The following ESPN variants were observed in gnomAD, a reference collection of about 807,000 sequenced individuals.
The protein encoded by ESPN is espin, also known as autosomal recessive deafness type 36 protein.
A neutral mutation model predicts 77.7 loss-of-function variants in ESPN; 68 were observed. That is an observed-to-expected ratio of 0.87 (90% CI 0.72 to 1.07). The LOEUF (loss-of-function observed/expected upper bound fraction) is 1.07. Among genes scored for constraint, ESPN ranks in the 50% least tolerant of loss-of-function variants. ESPN has a pLI of 0.00. For missense variants in ESPN, 1,060 were observed against 1,239.0 expected (o/e 0.86, Z 2.17); for synonymous variants, 449 against 567.1 (o/e 0.79, Z 2.96).
At chr1:6,453,774 G>A (rs1365531313) in intron 10 of ESPN, among the ~76,000 whole-genome samples, 3 of 152,190 alleles carry the variant, frequency 2.0e-5, no homozygotes, top group Non-Finnish European at 4.4e-5. Context: ...ATGAATCAGG[G>A]ACCTCTGTGG....
At chr1:6,434,176 T>G (rs1393691516) in intron 2 of ESPN, among the ~76,000 whole-genome samples, 1 of 152,236 alleles carries the variant, frequency 6.6e-6, no homozygotes, top group African/African-American at 2.4e-5. Context: ...GTGCTGGGAT[T>G]ACAGGCATGA....
chr1:6,461,283 G>A (rs997576431), downstream of ESPN: 2 of 974,752 alleles, frequency 2.1e-6, no homozygotes, highest in Non-Finnish European at 3.2e-6. This position sits in a 1 kb window ranked among gnomAD's most constrained non-coding sequence, Gnocchi z 6.3. Context: ...TGGAGCGATA[G>A]GGGCGAGCAG....
At chr1:6,442,293 G>A (rs1479993283) in intron 5 of ESPN, among the ~76,000 whole-genome samples, 4 of 152,176 alleles carry the variant, frequency 2.6e-5, no homozygotes, top group Non-Finnish European at 5.9e-5. Context: ...ATAGTTGGCC[G>A]GGTGCAGTGG....
intron 10 of ESPN, among the ~76,000 whole-genome samples, chr1:6,452,988 G>A (rs1643978898): frequency 6.6e-6 from 1 of 151,992 alleles, no homozygotes; most frequent in Admixed American, 6.5e-5. Flanking sequence ...CACCTCCTGG[G>A]TTCAAGCGAT....
chr1:6,456,880 T>C (rs940663676), intron 10 of ESPN, among the ~76,000 whole-genome samples: 1 of 152,182 alleles, frequency 6.6e-6, no homozygotes, highest in African/African-American at 2.4e-5. Context: ...CCTGTGGCCA[T>C]TGGCCACCTG....
In ESPN at chr1:6,425,178, C is replaced by T. The variant is rs1485632084; in HGVS notation, c.223C>T (p.His75Tyr). 2 of 1,535,714 alleles carry T rather than the reference C, an allele frequency of 1.3e-6. No individual in the cohort carries two copies. Among genetic ancestry groups the T allele is most frequent in the East Asian group, 2.4e-5 (1 of 40,972 alleles). ...ARARNGATPA[H>Y]DASATGHLAC... Reference sequence around the variant, plus strand: ...CGCCCGCAACGGCGCCACACCGGCCCACGACGCCTCCGCCACCGGCCACCT... The same window carrying T: ...CGCCCGCAACGGCGCCACACCGGCCTACGACGCCTCCGCCACCGGCCACCT... The change falls in exon 1 of 13, where the codon CAC (histidine) becomes TAC (tyrosine). Residue 75 changes from histidine to tyrosine, a missense_variant. By Grantham distance (83) the His-to-Tyr change is moderately conservative. Transcript: ENST00000645284.
At chr1:6,440,475 CG>C (rs1643583784) in intron 3 of ESPN, 35 bp downstream of exon 3, 2 of 1,434,812 alleles carry the variant, frequency 1.4e-6, no homozygotes, top group African/African-American at 3.0e-5. Context: ...GCAGGGGAGG[CG>C]GGGCGGAGCC....
rs1161126141 is a variant in ESPN at position 6,440,530 on chromosome 1, CG to C, written c.676-89del. 296 of 166,164 alleles carry C rather than the reference CG, an allele frequency of 1.8e-3. 3 individuals carry two copies. The African/African-American group carries it at 0.019, about 10-fold the overall frequency. 10.3% of individuals were successfully genotyped at this position (166,164 alleles called of 1,614,324 possible). On this transcript the variant is annotated intron_variant, in intron 3 of 12. Transcript: ENST00000645284. ...GGGAGCGGGGCCATCAGGGGTGGGG[CG>C]GGGGGGCGGGGGCGGGCCACGGAGG...
intron 12 of ESPN, 83 bp from the exon 13 acceptor site, chr1:6,459,916 T>A: frequency 6.3e-7 from 1 of 1,574,900 alleles, no homozygotes; most frequent in Non-Finnish European, 8.7e-7. Context: ...GGCCTCTGCC[T>A]GGTGCCTGGC....
rs1643820039 is a variant in ESPN at position 6,445,933 on chromosome 1, G to A, written c.1462G>A (p.Glu488Lys). ...RHVETEALKK[E>K]LSSCDGHDGL... ...CGTGGAGACAGAGGCCCTCAAGAAG[G>A]AGGTAGTGAGCCCTCACCCCCTGCC... Residue 488 changes from glutamate (E) to lysine (K), a missense_variant and splice_region_variant, in exon 7 of 13, where the codon GAG becomes AAG. By Grantham distance (56) the Glu-to-Lys change is moderately conservative. Coordinates refer to ENST00000645284, the MANE Select transcript of ESPN (RefSeq NM_031475.3). The A allele has an allele frequency of 2.5e-6, 4 of 1,612,588 alleles. No homozygotes were observed. The highest frequency in any genetic ancestry group is 1.7e-4 in the Middle Eastern group (1 of 6,050).
In ESPN at chr1:6,452,904, A is replaced by ATTTTTATTT. The variant is rs1553169591; in HGVS notation, c.2325+813_2325+814insATTTTTTTT. On this transcript the variant is annotated intron_variant, in intron 10 of 12. Coordinates refer to ENST00000645284, the MANE Select transcript of ESPN (RefSeq NM_031475.3). Reference sequence around the variant, plus strand: ...CAAATGCCATTTATTTTTATTTTTTATTTTTTGAGACAGGGTCTCACTCTG... The same window carrying ATTTTTATTT: ...CAAATGCCATTTATTTTTATTTTTTATTTTTATTTTTTTTTGAGACAGGGTCTCACTCTG... Among the ~76,000 whole-genome samples, 536 of 150,978 alleles carry ATTTTTATTT rather than the reference A, an allele frequency of 3.6e-3. 2 individuals carry two copies. Among genetic ancestry groups the ATTTTTATTT allele is most frequent in the African/African-American group, 0.012 (502 of 40,666 alleles).
chr1:6,426,832 T>C (rs566227022), intron 1 of ESPN, among the ~76,000 whole-genome samples: 6 of 152,066 alleles, frequency 3.9e-5, no homozygotes, highest in Non-Finnish European at 8.8e-5. Flanking sequence ...TGAACCAGTC[T>C]CTGGCCCCCC....
intron 8 of ESPN, among the ~76,000 whole-genome samples, chr1:6,449,458 G>C (rs1416557029): frequency 6.6e-6 from 1 of 152,192 alleles, no homozygotes; most frequent in Non-Finnish European, 1.5e-5. Flanking sequence ...TGGTGTTTCT[G>C]ATGAGCTGGT....
chr1:6,451,731 G>C lies in ESPN; in HGVS notation c.2044G>C (p.Gly682Arg), dbSNP rs769678235. 1.9e-6 allele frequency: 3 copies of C among 1,612,528 alleles called. No individual in the cohort carries two copies. Among genetic ancestry groups the C allele is most frequent in the Non-Finnish European group, 1.7e-6 (2 of 1,179,794 alleles). Residue 682 changes from glycine to arginine, a missense_variant, in exon 9 of 13, where the codon GGG becomes CGG. Gly to Arg is a moderately radical substitution (Grantham distance 125). Around this residue, in one of 3 missense-constraint regions of ESPN, gnomAD observed 374 missense variants for 381.4 expected, o/e 0.98. Transcript: ENST00000645284. The surrounding 1 kb of genome is among the most constrained non-coding windows in gnomAD (Gnocchi z 4.3). The stretch of plus-strand genomic sequence containing the variant: ...GCTGACCACAGTGTTCTCAGGCATC[G>C]GGCAGCCGGCCTTCCAGGTAGGCGG... ...KGLTTVFSGI[G>R]QPAFQPDSPL...
chr1:6,425,145 G>T lies in ESPN; in HGVS notation c.190G>T (p.Ala64Ser), dbSNP rs1431478556. Residue 64 changes from alanine to serine, a missense_variant, in exon 1 of 13, where the codon GCG (alanine) becomes TCG (serine). Coordinates refer to ENST00000645284, the MANE Select transcript of ESPN (RefSeq NM_031475.3). ...FLVEEAALPA[A>S]ARARNGATPA... ...GGTGGAGGAAGCCGCCCTCCCCGCC[G>T]CGGCCCGCGCCCGCAACGGCGCCAC... The T allele has an allele frequency of 4.6e-6, 7 of 1,509,150 alleles. 1 individual carries two copies. The Admixed American group carries it at 1.5e-4, about 32-fold the overall frequency. 93.5% of individuals were successfully genotyped at this position (1,509,150 alleles called of 1,614,324 possible).
intron 7 of ESPN, 196 bp from the exon 8 acceptor site, chr1:6,448,445 C>G (rs1037062534): frequency 7.5e-6 from 4 of 530,242 alleles, no homozygotes; most frequent in South Asian, 2.4e-5. Flanking sequence ...GCGGGCGGAG[C>G]CTGCCCTTCC....
chr1:6,438,318 A>G (rs376414895), intron 2 of ESPN, among the ~76,000 whole-genome samples: 1 of 152,212 alleles, frequency 6.6e-6, no homozygotes, highest in Non-Finnish European at 1.5e-5. Flanking sequence ...AAGTTCAGCA[A>G]TGGCTGTGCG....
chr1:6,439,964 G>A (rs1422409936), intron 2 of ESPN, among the ~76,000 whole-genome samples: 1 of 152,052 alleles, frequency 6.6e-6, no homozygotes, highest in Non-Finnish European at 1.5e-5. Context: ...AGCCAAGATC[G>A]AGCCACTGCA....
chr1:6,437,129 G>A lies in ESPN; in HGVS notation c.489-3125G>A, dbSNP rs1055739477. On this transcript the variant is annotated intron_variant, in intron 2 of 12. Transcript: ENST00000645284. The surrounding 1 kb of genome is among the most constrained non-coding windows in gnomAD (Gnocchi z 4.5). ...TGATGAGCTCCAGCACTTACTGAGGGCTCATTCCGTGCCAGGAACTTGGGC... is the reference window on the plus strand; with the variant it reads ...TGATGAGCTCCAGCACTTACTGAGGACTCATTCCGTGCCAGGAACTTGGGC... Among the ~76,000 whole-genome samples, 2 of 152,212 alleles carry A rather than the reference G, an allele frequency of 1.3e-5. No individual in the cohort carries two copies. Among genetic ancestry groups the A allele is most frequent in the African/African-American group, 4.8e-5 (2 of 41,458 alleles).
Sources: gnomAD v4.1 joint callset for allele counts (sites outside exome capture counted in the v4.1 genomes callset) on GRCh38, gnomAD v4.1.1 for gene constraint, gnomAD v4.1.1 regional missense constraint, Gnocchi (gnomAD v3.1) non-coding constraint, MANE v1.5 for transcripts, NCBI Gene and HGNC (gene_info 2026-07-23, HGNC 2026-07-21) for gene names.